The following PHF24 variants were observed in gnomAD, a reference collection of about 807,000 sequenced individuals.
The protein encoded by PHF24 is PHD finger protein 24.
A neutral mutation model predicts 42.6 loss-of-function variants in PHF24; 25 were observed. The ratio of observed to expected loss-of-function variants is 0.59; its 90% CI spans 0.43 to 0.82. The LOEUF (loss-of-function observed/expected upper bound fraction) is 0.82. PHF24 is among the 40% of genes least tolerant of loss of function. PHF24 has a pLI of 0.00. For synonymous variants in PHF24, 185 were observed against 204.8 expected (o/e 0.90, Z 0.83); for missense variants, 470 against 538.1 (o/e 0.87, Z 1.25).
the PHF24 span, among the ~76,000 whole-genome samples, chr9:34,936,243 A>AT: frequency 2.0e-5 from 3 of 151,898 alleles, no homozygotes; most frequent in Admixed American, 6.5e-5. Flanking sequence ...TGGTTTTCGT[A>AT]TTTTTTTGGT....
At chr9:34,752,838 A>T in the PHF24 span, among the ~76,000 whole-genome samples, 1 of 152,196 alleles carries the variant, frequency 6.6e-6, no homozygotes, top group Non-Finnish European at 1.5e-5. Context: ...ATCATTCATC[A>T]TGAACAAGTA....
At chr9:34,811,744 A>C in the PHF24 span, among the ~76,000 whole-genome samples, 8 of 152,366 alleles carry the variant, frequency 5.3e-5, no homozygotes, top group East Asian at 1.5e-3. Context: ...TTTGGCAATA[A>C]TTTCTTAGAT....
At chr9:34,725,794 T>G in the PHF24 span, 11 of 1,548,778 alleles carry the variant, frequency 7.1e-6, no homozygotes, top group African/African-American at 1.4e-5. Context: ...GGGGTGAAGT[T>G]TTAGGGAGCA....
upstream of PHF24, among the ~76,000 whole-genome samples, chr9:34,954,469 G>A (rs1274179975): frequency 1.3e-5 from 2 of 152,202 alleles, no homozygotes; most frequent in Non-Finnish European, 2.9e-5. Flanking sequence ...AGGGGGAATT[G>A]TGTGCTAGGC....
the PHF24 span, among the ~76,000 whole-genome samples, chr9:34,735,730 C>T: frequency 6.6e-6 from 1 of 151,234 alleles, no homozygotes; most frequent in Non-Finnish European, 1.5e-5. Flanking sequence ...ATCCGGGTAG[C>T]GGAGGTTGCA....
At chr9:34,857,308 G>A in the PHF24 span, among the ~76,000 whole-genome samples, 4 of 152,172 alleles carry the variant, frequency 2.6e-5, no homozygotes, top group African/African-American at 9.7e-5. Flanking sequence ...GGGAGTGCAC[G>A]GACAGAATTC....
the PHF24 span, among the ~76,000 whole-genome samples, chr9:34,862,776 G>C: frequency 6.6e-6 from 1 of 151,324 alleles, no homozygotes; most frequent in Admixed American, 6.6e-5. Flanking sequence ...AAAAAGTAAA[G>C]GGGACTTTGT....
At chr9:34,950,302 T>C in the PHF24 span, among the ~76,000 whole-genome samples, 108,331 of 147,362 alleles carry the variant, frequency 0.74, 40,111 homozygotes, top group East Asian at 0.95. Context: ...AAGCAGAGAT[T>C]GTGCCACTGC....
At chr9:34,911,082 C>T in the PHF24 span, among the ~76,000 whole-genome samples, 6 of 151,980 alleles carry the variant, frequency 3.9e-5, no homozygotes, top group Non-Finnish European at 7.4e-5. Context: ...CCTTGGCCTC[C>T]GAAAGTGCTG....
the PHF24 span, among the ~76,000 whole-genome samples, chr9:34,938,702 G>A: frequency 2.0e-5 from 3 of 152,016 alleles, no homozygotes; most frequent in Non-Finnish European, 4.4e-5. Flanking sequence ...GGCCGAGGCC[G>A]GCGGATCACG....
chr9:34,922,332 T>C, the PHF24 span: 1 of 1,581,552 alleles, frequency 6.3e-7, no homozygotes, highest in Non-Finnish European at 8.7e-7. Context: ...AATGGCTTCA[T>C]CAAAAGCTGT....
At chr9:34,835,228 C>T in the PHF24 span, 1 of 1,552,190 alleles carries the variant, frequency 6.4e-7, no homozygotes, top group South Asian at 1.2e-5. Flanking sequence ...AACACCAGGT[C>T]TGGAGGGAAA....
chr9:34,728,768 A>G, the PHF24 span: 2 of 948,440 alleles, frequency 2.1e-6, no homozygotes, highest in Admixed American at 2.1e-5. Flanking sequence ...ATCTATCTGT[A>G]TTTTATACAC....
the PHF24 span, among the ~76,000 whole-genome samples, chr9:34,900,198 T>G: frequency 6.6e-6 from 1 of 151,906 alleles, no homozygotes; most frequent in African/African-American, 2.4e-5. Flanking sequence ...GGGTCCTTCA[T>G]GTTTTAAAAA....
At chr9:34,812,815 A>C in the PHF24 span, among the ~76,000 whole-genome samples, 16 of 152,216 alleles carry the variant, frequency 1.1e-4, no homozygotes, top group Admixed American at 3.9e-4. Flanking sequence ...AGTGGGAACT[A>C]TCCCGATTGT....
At chr9:34,910,847 G>C in the PHF24 span, among the ~76,000 whole-genome samples, 3 of 150,602 alleles carry the variant, frequency 2.0e-5, no homozygotes, top group African/African-American at 4.9e-5. Context: ...AATTGAGATA[G>C]AGTCTCATTC....
the PHF24 span, among the ~76,000 whole-genome samples, chr9:34,691,586 G>A: frequency 2.0e-5 from 3 of 152,208 alleles, no homozygotes; most frequent in African/African-American, 7.2e-5. Context: ...CAGAAGTGAT[G>A]GTCAAAGGTG....
the PHF24 span, among the ~76,000 whole-genome samples, chr9:34,730,412 G>A: frequency 2.6e-5 from 1 of 39,090 alleles, no homozygotes; most frequent in African/African-American, 4.1e-5. Context: ...TGGTAATGGT[G>A]GTCTCAGGCC....
At chr9:34,675,679 C>T in the PHF24 span, among the ~76,000 whole-genome samples, 1 of 152,160 alleles carries the variant, frequency 6.6e-6, no homozygotes, top group Admixed American at 6.5e-5. Flanking sequence ...CCAGGGTTTC[C>T]TCAATAGTTA....
Sources: gnomAD v4.1 joint callset for allele counts (sites outside exome capture counted in the v4.1 genomes callset) on GRCh38, gnomAD v4.1.1 for gene constraint, MANE v1.5 for transcripts, NCBI Gene and HGNC (gene_info 2026-07-23, HGNC 2026-07-21) for gene names.